GALNT18: variants seen among roughly 807,000 people sequenced by gnomAD.
The protein encoded by GALNT18 is GalNAc-transferase 18.
In GALNT18, 44 loss-of-function variants were observed where a neutral mutation model predicts 69.5. That is an observed-to-expected ratio of 0.63 (90% CI 0.50 to 0.81). The LOEUF (loss-of-function observed/expected upper bound fraction) is 0.81, where lower values mean the gene tolerates loss of function less well. Ranked by LOEUF, GALNT18 falls within the 40% of genes least tolerant of loss-of-function variation. The pLI is 0.00. For synonymous variants in GALNT18, 364 were observed against 318.2 expected (o/e 1.14, Z -1.53); for missense variants, 715 against 810.0 (o/e 0.88, Z 1.42).
chr11:11,510,327 G>C (rs866535895), intron 1 of GALNT18, among the ~76,000 whole-genome samples: 1 of 152,052 alleles, frequency 6.6e-6, no homozygotes, highest in Non-Finnish European at 1.5e-5. Flanking sequence ...CTCTCCCAGG[G>C]GCCCTGTGAG....
chr11:11,536,919 C>T (rs1857786062), intron 1 of GALNT18, among the ~76,000 whole-genome samples: 1 of 152,242 alleles, frequency 6.6e-6, no homozygotes, highest in Non-Finnish European at 1.5e-5. Context: ...AGCACCACTA[C>T]CTAAGTTTCT....
At chr11:11,351,743 G>C (rs897246440) in intron 6 of GALNT18, among the ~76,000 whole-genome samples, 1 of 130,908 alleles carries the variant, frequency 7.6e-6, no homozygotes, top group Non-Finnish European at 1.6e-5. Flanking sequence ...ATGTCATAGG[G>C]ATTTGGGGAG....
chr11:11,408,326 C>T (rs1263505191), intron 3 of GALNT18, among the ~76,000 whole-genome samples: 1 of 125,632 alleles, frequency 8.0e-6, no homozygotes, highest in Non-Finnish European at 1.6e-5. Flanking sequence ...GATCGTGGCA[C>T]AGCACTCCAG....
chr11:11,323,207 T>G (rs1474990561), intron 9 of GALNT18, among the ~76,000 whole-genome samples: 1 of 152,212 alleles, frequency 6.6e-6, no homozygotes, highest in Non-Finnish European at 1.5e-5. Context: ...ACATCAACTC[T>G]AAAGTCCAAA....
At chr11:11,451,697 G>C (rs1481854094) in intron 1 of GALNT18, among the ~76,000 whole-genome samples, 1 of 152,228 alleles carries the variant, frequency 6.6e-6, no homozygotes, top group Non-Finnish European at 1.5e-5. Context: ...CTGCTGGACT[G>C]CCAGCTCCTA....
intron 6 of GALNT18, among the ~76,000 whole-genome samples, chr11:11,343,655 T>C (rs2133059583): frequency 6.6e-6 from 1 of 152,302 alleles, no homozygotes; most frequent in South Asian, 2.1e-4. Context: ...AGCCTGTGAA[T>C]CCCATGAAGA....
At chr11:11,539,545 CT>C (rs1189847260) in intron 1 of GALNT18, among the ~76,000 whole-genome samples, 1 of 152,200 alleles carries the variant, frequency 6.6e-6, no homozygotes, top group Non-Finnish European at 1.5e-5. Flanking sequence ...AGATTCACCC[CT>C]GCCCTTCAGA....
intron 1 of GALNT18, among the ~76,000 whole-genome samples, chr11:11,527,396 A>G (rs1186602973): frequency 1.3e-5 from 2 of 152,186 alleles, no homozygotes; most frequent in Non-Finnish European, 2.9e-5. Flanking sequence ...GGGCTGATGC[A>G]GTCAGCTCAT....
At chr11:11,414,101 G>A (rs961669000) in intron 3 of GALNT18, among the ~76,000 whole-genome samples, 13 of 152,044 alleles carry the variant, frequency 8.6e-5, no homozygotes, top group African/African-American at 2.4e-4. Flanking sequence ...AATAGATCTC[G>A]GATGTACCCA....
intron 1 of GALNT18, among the ~76,000 whole-genome samples, chr11:11,593,089 A>G (rs1859397944): frequency 6.6e-6 from 1 of 151,938 alleles, no homozygotes. Context: ...AATTTTTTGT[A>G]TTTTTAGTGG....
chr11:11,506,030 G>C (rs918365497), intron 1 of GALNT18, among the ~76,000 whole-genome samples: 1 of 152,212 alleles, frequency 6.6e-6, no homozygotes, highest in African/African-American at 2.4e-5. Context: ...TCACCCTGCA[G>C]CAACTTGTAA....
rs540260629 is a variant in GALNT18, at chr11:11,463,522, G to A, written c.236-14586C>T. Among the ~76,000 whole-genome samples, 32 of 152,332 alleles carry A rather than the reference G, an allele frequency of 2.1e-4. No homozygotes were observed. Among genetic ancestry groups the A allele is most frequent in the Admixed American group, 1.3e-3 (20 of 15,312 alleles). ...TACACGTCCCCTGGGAGCCCTAGCT[G>A]TTGTGGCCCCAGGGCTGAGCGTGCC... On this transcript the variant is annotated intron_variant, in intron 1 of 10. Coordinates refer to ENST00000227756, the MANE Select transcript of GALNT18 (RefSeq NM_198516.3). This position sits in a 1 kb window ranked among gnomAD's most constrained non-coding sequence, Gnocchi z 4.2.
rs191616714 is a variant in GALNT18, at chr11:11,394,641, C to G, written c.596-15377G>C. Reference sequence around the variant, plus strand: ...TTGTTTCCCCCCAAATAACACAAGTCATGGGCTCCTCACTAAGCTCCACGC... The same window carrying G: ...TTGTTTCCCCCCAAATAACACAAGTGATGGGCTCCTCACTAAGCTCCACGC... On this transcript the variant is annotated intron_variant, in intron 3 of 10. Coordinates refer to ENST00000227756, the MANE Select transcript of GALNT18 (RefSeq NM_198516.3). Among the ~76,000 whole-genome samples the G allele has an allele frequency of 1.4e-4, 21 of 152,336 alleles. No individual in the cohort carries two copies. In the East Asian group the frequency reaches 4.1e-3, roughly 29 times the overall value.
intron 1 of GALNT18, among the ~76,000 whole-genome samples, chr11:11,611,674 G>A (rs1345389305): frequency 6.6e-6 from 1 of 152,208 alleles, no homozygotes; most frequent in Non-Finnish European, 1.5e-5. Context: ...CACCCTGAAA[G>A]ACACGTGACT....
chr11:11,354,250 G>C (rs1420026309), intron 6 of GALNT18, among the ~76,000 whole-genome samples: 3 of 152,168 alleles, frequency 2.0e-5, no homozygotes, highest in African/African-American at 7.2e-5. Context: ...TACTGCAATA[G>C]AGTAGAACTG....
At chr11:11,575,482 G>C (rs1424505521) in intron 1 of GALNT18, among the ~76,000 whole-genome samples, 1 of 152,236 alleles carries the variant, frequency 6.6e-6, no homozygotes, top group Non-Finnish European at 1.5e-5. Flanking sequence ...GGGTAGGCAA[G>C]GAGGCTGGAT....
chr11:11,289,049 A>G (rs980322063), intron 10 of GALNT18, among the ~76,000 whole-genome samples: 9 of 152,242 alleles, frequency 5.9e-5, no homozygotes, highest in African/African-American at 2.2e-4. Flanking sequence ...AGTTGGTAGG[A>G]TCTGAATGCA....
chr11:11,585,137 T>C (rs1565027476), intron 1 of GALNT18, among the ~76,000 whole-genome samples: 1 of 152,182 alleles, frequency 6.6e-6, no homozygotes, highest in Non-Finnish European at 1.5e-5. Context: ...AAAATCATGC[T>C]TGGATAAAAG....
Position 11,385,517 on chromosome 11 carries a change from G to A in GALNT18, c.596-6253C>T, listed in dbSNP as rs542296818. On this transcript the variant is annotated intron_variant, in intron 3 of 10. Coordinates refer to ENST00000227756, the MANE Select transcript of GALNT18 (RefSeq NM_198516.3). ...TCACCATGTTAGCCAGGATGGTCTC[G>A]ATCTCCTGACCTTGTGATCTGCCCG... Among the ~76,000 whole-genome samples the A allele has an allele frequency of 1.1e-3, 168 of 152,136 alleles. 4 individuals are homozygous for A. In the South Asian group the frequency reaches 0.03, roughly 27 times the overall value.
Sources: gnomAD v4.1 joint callset for allele counts (sites outside exome capture counted in the v4.1 genomes callset) on GRCh38, gnomAD v4.1.1 for gene constraint, Gnocchi (gnomAD v3.1) non-coding constraint, MANE v1.5 for transcripts, NCBI Gene and HGNC (gene_info 2026-07-23, HGNC 2026-07-21) for gene names.